Variants in DCK observed in about 807,000 individuals in gnomAD.
DCK encodes deoxycytidine kinase.
DCK carries 23 observed loss-of-function variants against 38.3 expected under a neutral mutation model. The ratio of observed to expected loss-of-function variants is 0.60; its 90% CI spans 0.43 to 0.85. The LOEUF (loss-of-function observed/expected upper bound fraction) is 0.85. Ranked by LOEUF, DCK falls within the 40% of genes least tolerant of loss-of-function variation. The probability of loss-of-function intolerance (pLI) is 0.00; values close to 1 mark genes in which losing one functional copy is unlikely to be tolerated. For synonymous variants in DCK, 108 were observed against 100.6 expected (o/e 1.07, Z -0.44); for missense variants, 259 against 304.4 (o/e 0.85, Z 1.11).
At chr4:71,000,468 T>A (rs1215843473) in intron 2 of DCK, among the ~76,000 whole-genome samples, 1 of 152,212 alleles carries the variant, frequency 6.6e-6, no homozygotes, top group Non-Finnish European at 1.5e-5. Flanking sequence ...GCCTCAAGCC[T>A]TGTTCTTTTT....
intron 2 of DCK, among the ~76,000 whole-genome samples, chr4:71,017,876 T>TA (rs1237558991): frequency 6.6e-6 from 1 of 151,908 alleles, no homozygotes; most frequent in African/African-American, 2.4e-5. Flanking sequence ...CATGTATACA[T>TA]ATGTAACAAA....
At chr4:70,998,717 A>T (rs1391467774) in intron 2 of DCK, among the ~76,000 whole-genome samples, 1 of 152,108 alleles carries the variant, frequency 6.6e-6, no homozygotes, top group African/African-American at 2.4e-5. Flanking sequence ...TGAGGTGAGG[A>T]GTTCAAGACC....
intron 2 of DCK, among the ~76,000 whole-genome samples, chr4:71,003,640 C>T (rs1739866378): frequency 6.6e-6 from 1 of 152,132 alleles, no homozygotes; most frequent in South Asian, 2.1e-4. Flanking sequence ...TCTTGGGAGG[C>T]TTTGTTTGTT....
At chr4:71,007,794 C>G (rs1233555458) in intron 2 of DCK, among the ~76,000 whole-genome samples, 1 of 152,238 alleles carries the variant, frequency 6.6e-6, no homozygotes, top group Non-Finnish European at 1.5e-5. Flanking sequence ...TGGTTCACTG[C>G]AGCCTCAACC....
intron 2 of DCK, among the ~76,000 whole-genome samples, chr4:71,010,405 T>A (rs977444695): frequency 6.6e-6 from 1 of 151,438 alleles, no homozygotes; most frequent in Non-Finnish European, 1.5e-5. Context: ...TGATTTATGT[T>A]ATTATTTAGG....
intron 2 of DCK, among the ~76,000 whole-genome samples, chr4:71,019,245 TA>T (rs1238309234): frequency 2.6e-5 from 4 of 152,216 alleles, no homozygotes; most frequent in African/African-American, 9.6e-5. Context: ...ACTAGTTTAT[TA>T]TTTTTTTGTT....
Position 70,993,874 on chromosome 4 carries a change from A to G in DCK, c.39A>G (p.Ser13=). The G allele has an allele frequency of 6.2e-7, 1 of 1,614,090 alleles. No individual in the cohort carries two copies. Among genetic ancestry groups the G allele is most frequent in the Non-Finnish European group, 8.5e-7 (1 of 1,179,954 alleles). ...TPPKRSCPSF[S]ASSEGTRIKK... is the part of the protein sequence containing the mutation. The stretch of plus-strand genomic sequence containing the variant: ...CCAAGAGAAGCTGCCCGTCTTTCTC[A>G]GCCAGCTCTGAGGGGACCCGCATCA... The change falls in exon 1 of 7, where the codon TCA becomes TCG. Residue 13 remains serine (S), a synonymous_variant. Transcript: ENST00000286648.
intron 5 of DCK, 51 bp from the exon 6 acceptor site, chr4:71,026,614 C>T (rs1406187768): frequency 2.2e-6 from 2 of 901,466 alleles, no homozygotes; most frequent in African/African-American, 1.7e-5. Flanking sequence ...ATGTTTCTCT[C>T]TTTTTTTTGT....
chr4:70,994,456 A>G (rs181791640), intron 1 of DCK, among the ~76,000 whole-genome samples: 137 of 152,272 alleles, frequency 9.0e-4, no homozygotes, highest in Non-Finnish European at 1.7e-3. Flanking sequence ...CTTTTCCAGA[A>G]TGCCATATAA....
At chr4:71,003,252 A>G (rs554984529) in intron 2 of DCK, among the ~76,000 whole-genome samples, 2 of 152,222 alleles carry the variant, frequency 1.3e-5, no homozygotes, top group South Asian at 4.2e-4. Flanking sequence ...CTGGGTTGAA[A>G]ATTCTTTTCT....
intron 6 of DCK, 179 bp downstream of exon 6, chr4:71,026,934 C>T (rs112161499): frequency 4.8e-4 from 174 of 362,428 alleles, no homozygotes; most frequent in African/African-American, 3.2e-3. Flanking sequence ...AGCTTTGTGG[C>T]CTGAGCTAAA....
intron 2 of DCK, among the ~76,000 whole-genome samples, chr4:71,013,807 G>A (rs1740167799): frequency 6.6e-6 from 1 of 152,158 alleles, no homozygotes; most frequent in Admixed American, 6.5e-5. Context: ...GCAAAAACAT[G>A]CCAAATTGTA....
intron 2 of DCK, among the ~76,000 whole-genome samples, chr4:71,020,832 TG>T (rs1740395494): frequency 6.6e-6 from 1 of 152,166 alleles, no homozygotes; most frequent in South Asian, 2.1e-4. Context: ...CCCAGTGGTC[TG>T]TAGTAGTTTC....
chr4:70,996,104 G>T (rs1266127870), intron 1 of DCK, among the ~76,000 whole-genome samples: 1 of 152,064 alleles, frequency 6.6e-6, no homozygotes, highest in Non-Finnish European at 1.5e-5. Flanking sequence ...AACTACTCAG[G>T]CGGCTGATGC....
At chr4:71,006,408 G>A in intron 2 of DCK, 1 of 323,632 alleles carries the variant, frequency 3.1e-6, no homozygotes, top group Non-Finnish European at 4.4e-6. Context: ...TTTCGTTTCT[G>A]GAGAAATGAG....
intron 2 of DCK, among the ~76,000 whole-genome samples, chr4:71,001,272 A>C (rs989253297): frequency 6.6e-6 from 1 of 152,114 alleles, no homozygotes; most frequent in African/African-American, 2.4e-5. Flanking sequence ...GGTTCTGTTT[A>C]TGTGATAGAT....
At chr4:71,001,162 C>T (rs553808332) in intron 2 of DCK, among the ~76,000 whole-genome samples, 50 of 152,256 alleles carry the variant, frequency 3.3e-4, no homozygotes, top group Non-Finnish European at 6.3e-4. Flanking sequence ...TACATTTCAT[C>T]AATACCTAGT....
intron 4 of DCK, among the ~76,000 whole-genome samples, chr4:71,025,028 AAC>A (rs902907254): frequency 7.9e-5 from 12 of 152,180 alleles, no homozygotes; most frequent in African/African-American, 2.6e-4. Flanking sequence ...TAGAGTTTGA[AAC>A]ACAGTTTGTA....
chr4:71,025,749 T>C, intron 4 of DCK, 67 bp from the exon 5 acceptor site: 1 of 1,484,654 alleles, frequency 6.7e-7, no homozygotes, highest in Non-Finnish European at 8.9e-7. Context: ...AAAGAAAATT[T>C]TGATGGCAGC....
Sources: gnomAD v4.1 joint callset for allele counts (sites outside exome capture counted in the v4.1 genomes callset) on GRCh38, gnomAD v4.1.1 for gene constraint, MANE v1.5 for transcripts, NCBI Gene and HGNC (gene_info 2026-07-23, HGNC 2026-07-21) for gene names.